Variants in CDH12 observed in about 807,000 individuals in gnomAD.
CDH12 encodes the protein cadherin 12.
Under a neutral mutation model 74.1 loss-of-function variants are expected in CDH12, and 41 were observed. The ratio of observed to expected loss-of-function variants is 0.55; its 90% confidence interval spans 0.43 to 0.72. CDH12 has a LOEUF of 0.72. Among genes scored for constraint, CDH12 ranks in the 30% least tolerant of loss-of-function variants. The probability of loss-of-function intolerance (pLI) is 0.00; values close to 1 mark genes in which losing one functional copy is unlikely to be tolerated. For synonymous variants in CDH12, 399 were observed against 355.0 expected, an observed-to-expected ratio of 1.12 and a Z score of -1.39; for missense variants, 945 against 977.2, an observed-to-expected ratio of 0.97 and a Z score of 0.44.
At chr5:22,319,743 A>C (rs1270669332) in intron 3 of CDH12, among the ~76,000 whole-genome samples, 3 of 152,164 alleles carry the variant, frequency 2.0e-5, no homozygotes, top group African/African-American at 7.2e-5. Context: ...AACTAGATGA[A>C]AAAATATCAC....
At chr5:22,290,257 C>A (rs1737325156) in intron 3 of CDH12, among the ~76,000 whole-genome samples, 1 of 152,092 alleles carries the variant, frequency 6.6e-6, no homozygotes, top group South Asian at 2.1e-4. Flanking sequence ...ATGGTATTAT[C>A]AAATGGACAA....
chr5:22,714,405 T>C (rs399921), intron 1 of CDH12, among the ~76,000 whole-genome samples: 1 of 152,008 alleles, frequency 6.6e-6, no homozygotes, highest in Non-Finnish European at 1.5e-5. Context: ...ATAACTCTTT[T>C]CATTTGATCA....
chr5:22,437,154 AAG>A (rs1340998404), intron 2 of CDH12, among the ~76,000 whole-genome samples: 1 of 151,976 alleles, frequency 6.6e-6, no homozygotes, highest in African/African-American at 2.4e-5. Context: ...TTTTTTCTTC[AAG>A]AGTCTTAATG....
chr5:22,128,479 T>G (rs1746004201), intron 4 of CDH12, among the ~76,000 whole-genome samples: 1 of 152,118 alleles, frequency 6.6e-6, no homozygotes. Context: ...ATAGGTATCA[T>G]TTTCTACACT....
At chr5:21,833,239 TA>T (rs1749258233) in intron 8 of CDH12, among the ~76,000 whole-genome samples, 1 of 47,670 alleles carries the variant, frequency 2.1e-5, no homozygotes, top group Non-Finnish European at 2.9e-5. Flanking sequence ...TAACATATAA[TA>T]TATATTATAT....
At chr5:22,591,572 T>G (rs1199694572) in intron 1 of CDH12, among the ~76,000 whole-genome samples, 1 of 152,130 alleles carries the variant, frequency 6.6e-6, no homozygotes, top group Non-Finnish European at 1.5e-5. Context: ...CATCTCATTT[T>G]CTTCAACTTT....
chr5:22,498,569 C>G (rs1158028780), intron 2 of CDH12, among the ~76,000 whole-genome samples: 1 of 151,680 alleles, frequency 6.6e-6, no homozygotes. Flanking sequence ...CTCTGTCACC[C>G]AGAATATGTC....
chr5:22,040,082 T>C (rs1000892417), intron 5 of CDH12, among the ~76,000 whole-genome samples: 8 of 151,684 alleles, frequency 5.3e-5, no homozygotes, highest in Non-Finnish European at 1.2e-4. Flanking sequence ...TTCAACAAAA[T>C]CTGAAGGAAT....
intron 6 of CDH12, among the ~76,000 whole-genome samples, chr5:21,870,537 C>G (rs1353415395): frequency 2.0e-5 from 3 of 152,144 alleles, no homozygotes. Context: ...GCCTCCAGAA[C>G]TGTCAGCCAA....
At chr5:21,852,685 GTA>G (rs1750536253) in intron 7 of CDH12, among the ~76,000 whole-genome samples, 1 of 151,314 alleles carries the variant, frequency 6.6e-6, no homozygotes, top group South Asian at 2.1e-4. Flanking sequence ...CTTATTCTGA[GTA>G]TATAAACTCA....
chr5:22,588,119 A>G (rs923672947), intron 1 of CDH12, among the ~76,000 whole-genome samples: 5 of 151,064 alleles, frequency 3.3e-5, no homozygotes, highest in Admixed American at 2.0e-4. Flanking sequence ...TATATACATA[A>G]TATTTTACTC....
At chr5:22,452,811 T>C (rs1267854205) in intron 2 of CDH12, among the ~76,000 whole-genome samples, 1 of 138,176 alleles carries the variant, frequency 7.2e-6, no homozygotes, top group African/African-American at 2.8e-5. Context: ...GAAAAAATAT[T>C]TGCAAACTAG....
intron 1 of CDH12, among the ~76,000 whole-genome samples, chr5:22,521,035 C>A (rs939877142): frequency 6.6e-6 from 1 of 150,950 alleles, no homozygotes; most frequent in African/African-American, 2.4e-5. Context: ...AACTGAGCAT[C>A]CTGTATCATG....
intron 11 of CDH12, among the ~76,000 whole-genome samples, chr5:21,768,944 T>C (rs763714485): frequency 6.6e-6 from 1 of 151,984 alleles, no homozygotes; most frequent in Admixed American, 6.6e-5. Context: ...TGAATGGGTG[T>C]TTATCCTGGG....
chr5:22,448,199 G>A lies in CDH12; in HGVS notation c.-427-42848C>T, dbSNP rs188839245. On this transcript the variant is annotated intron_variant, in intron 2 of 14. Transcript: ENST00000382254. ...TATATGTGTGTGTGTATGTATTAAA[G>A]AATAAGAAATTAAGCATTACAAAAG... Among the ~76,000 whole-genome samples the A allele has an allele frequency of 7.1e-3, 1,072 of 150,864 alleles. 8 individuals carry two copies. Among genetic ancestry groups the A allele is most frequent in the Non-Finnish European group, 0.011 (742 of 67,698 alleles).
At chr5:22,225,288 G>T (rs186994666) in intron 3 of CDH12, among the ~76,000 whole-genome samples, 5 of 152,080 alleles carry the variant, frequency 3.3e-5, no homozygotes, top group Non-Finnish European at 5.9e-5. Context: ...TCCTCAGAAA[G>T]AATTGGACCT....
chr5:22,722,398 T>C (rs547091960), intron 1 of CDH12, among the ~76,000 whole-genome samples: 1 of 152,318 alleles, frequency 6.6e-6, no homozygotes, highest in East Asian at 1.9e-4. Flanking sequence ...ATTTAAAAAC[T>C]ACTATATGGA....
At position 22,292,114 on chromosome 5, in the gene CDH12, C is replaced by A. The variant is rs75321759; in HGVS notation, c.-332-79471G>T. 3.3e-3 allele frequency among the ~76,000 whole-genome samples: 509 copies of A among 152,126 alleles called. 1 individual carries two copies. The highest frequency in any genetic ancestry group is 0.012 in the African/African-American group (482 of 41,532). Reference sequence around the variant, plus strand: ...ATAATACACTATGGGGACAATCTCTCAATAAATGATTCTGGCAGCACTAGA... The same window carrying A: ...ATAATACACTATGGGGACAATCTCTAAATAAATGATTCTGGCAGCACTAGA... On this transcript the variant is annotated intron_variant, in intron 3 of 14. Transcript: ENST00000382254.
intron 3 of CDH12, among the ~76,000 whole-genome samples, chr5:22,298,327 G>T (rs181889997): frequency 1.7e-4 from 25 of 151,200 alleles, no homozygotes; most frequent in Admixed American, 1.2e-3. Context: ...ACCAACTGGT[G>T]GTATGTTTAA....
Sources: allele counts gnomAD v4.1 joint callset (sites outside exome capture counted in the v4.1 genomes callset), GRCh38; gene constraint gnomAD v4.1.1; transcripts MANE v1.5; gene names NCBI Gene and HGNC (gene_info 2026-07-23, HGNC 2026-07-21).